The following SLC25A21 variants were observed in gnomAD, a reference collection of about 807,000 sequenced individuals.
SLC25A21 encodes mitochondrial 2-oxodicarboxylate carrier.
A neutral mutation model predicts 43.8 loss-of-function variants in SLC25A21; 47 were observed. That is an observed-to-expected ratio of 1.07 (90% CI 0.85 to 1.37). The LOEUF (loss-of-function observed/expected upper bound fraction) is 1.37. Ranked by LOEUF, SLC25A21 falls within the 40% of genes most tolerant of loss-of-function variation. The pLI, the probability that SLC25A21 is intolerant of heterozygous loss-of-function variation, is 0.00. For missense variants in SLC25A21, 352 were observed against 350.2 expected (o/e 1.00, Z -0.04); for synonymous variants, 131 against 121.3 (o/e 1.08, Z -0.52).
intron 1 of SLC25A21, among the ~76,000 whole-genome samples, chr14:37,088,254 A>G (rs1962522074): frequency 1.3e-5 from 2 of 152,200 alleles, no homozygotes; most frequent in African/African-American, 4.8e-5. Context: ...AAGCTCTAAA[A>G]ATATCCTGTA....
intron 1 of SLC25A21, among the ~76,000 whole-genome samples, chr14:36,933,057 T>C (rs1200921079): frequency 5.9e-5 from 9 of 152,260 alleles, no homozygotes; most frequent in Non-Finnish European, 1.3e-4. Flanking sequence ...GTTATTTTAA[T>C]GGAAGGTTAA....
At chr14:37,167,360 T>C (rs1314171081) in intron 1 of SLC25A21, among the ~76,000 whole-genome samples, 2 of 152,186 alleles carry the variant, frequency 1.3e-5, no homozygotes, top group African/African-American at 4.8e-5. Flanking sequence ...GATTCCGATA[T>C]GGTAGTGAAA....
At chr14:36,717,470 C>T (rs1004264316) in intron 6 of SLC25A21, among the ~76,000 whole-genome samples, 6 of 152,194 alleles carry the variant, frequency 3.9e-5, no homozygotes, top group African/African-American at 1.2e-4. Context: ...TCCCAGATAC[C>T]GAACCACAAA....
intron 1 of SLC25A21, among the ~76,000 whole-genome samples, chr14:37,125,236 T>C (rs1267726523): frequency 6.6e-6 from 1 of 152,178 alleles, no homozygotes; most frequent in African/African-American, 2.4e-5. Flanking sequence ...TAAGGACTCT[T>C]CTGATAAAAG....
intron 1 of SLC25A21, among the ~76,000 whole-genome samples, chr14:36,889,249 A>G (rs1891011653): frequency 6.6e-6 from 1 of 152,204 alleles, no homozygotes; most frequent in African/African-American, 2.4e-5. Flanking sequence ...TAATCACACA[A>G]GATTTCTACT....
At chr14:37,127,680 G>C (rs555281759) in intron 1 of SLC25A21, among the ~76,000 whole-genome samples, 1 of 152,276 alleles carries the variant, frequency 6.6e-6, no homozygotes, top group East Asian at 1.9e-4. Context: ...AGAGCACAAA[G>C]ACCAGGTCTC....
intron 1 of SLC25A21, among the ~76,000 whole-genome samples, chr14:36,937,299 TC>T (rs959199919): frequency 1.8e-4 from 28 of 152,288 alleles, no homozygotes; most frequent in African/African-American, 6.5e-4. Flanking sequence ...GAACAAGTAC[TC>T]CCTAGCTGAG....
At chr14:36,884,890 T>C (rs1266346668) in intron 1 of SLC25A21, among the ~76,000 whole-genome samples, 2 of 152,126 alleles carry the variant, frequency 1.3e-5, no homozygotes, top group African/African-American at 4.8e-5. Flanking sequence ...CAGATGTGGT[T>C]TGCAAGTATT....
At chr14:37,083,086 T>C (rs1478021965) in intron 1 of SLC25A21, among the ~76,000 whole-genome samples, 1 of 152,210 alleles carries the variant, frequency 6.6e-6, no homozygotes, top group East Asian at 1.9e-4. Flanking sequence ...AATCAAATTG[T>C]TCACAGCTGA....
intron 1 of SLC25A21, among the ~76,000 whole-genome samples, chr14:36,899,205 C>T (rs1891334065): frequency 6.6e-6 from 1 of 151,678 alleles, no homozygotes; most frequent in Admixed American, 6.6e-5. Context: ...TCCACGCAAA[C>T]ATAGCAAGAC....
At chr14:37,020,414 C>CAA (rs200047962) in intron 1 of SLC25A21, among the ~76,000 whole-genome samples, 1 of 140,474 alleles carries the variant, frequency 7.1e-6, no homozygotes, top group African/African-American at 2.7e-5. Context: ...CTAATCATCT[C>CAA]AAAAAAAAAC....
intron 1 of SLC25A21, among the ~76,000 whole-genome samples, chr14:36,922,999 CA>C (rs370204947): frequency 1.4e-3 from 207 of 152,068 alleles, no homozygotes; most frequent in African/African-American, 4.8e-3. Flanking sequence ...ATCAGTCCCA[CA>C]AAAACAGACC....
intron 3 of SLC25A21, among the ~76,000 whole-genome samples, chr14:36,793,442 A>G (rs890116712): frequency 1.3e-5 from 2 of 151,972 alleles, no homozygotes; most frequent in African/African-American, 4.8e-5. Flanking sequence ...GGAGGAAGCT[A>G]ACATGCTATC....
At chr14:37,117,083 T>A (rs866903811) in intron 1 of SLC25A21, among the ~76,000 whole-genome samples, 3 of 152,154 alleles carry the variant, frequency 2.0e-5, no homozygotes, top group African/African-American at 7.2e-5. Flanking sequence ...AGCTGAAAAA[T>A]GTACTCTTTA....
At chr14:37,094,609 C>CAT (rs140518598) in intron 1 of SLC25A21, among the ~76,000 whole-genome samples, 193 of 151,184 alleles carry the variant, frequency 1.3e-3, no homozygotes, top group Middle Eastern at 3.4e-3. Flanking sequence ...TTCACATTCA[C>CAT]ATATATATAT....
rs769530350 is a variant in SLC25A21 at position 36,683,819 on chromosome 14, TATC to T, written c.838+6_838+8del. The T allele has an allele frequency of 1.3e-6, 2 of 1,589,370 alleles. No homozygotes were observed. The highest frequency in any genetic ancestry group is 8.6e-7 in the Non-Finnish European group (1 of 1,165,576). ...GAAGGAAGGATTAAATAATCAAAAT[TATC>T]ATTACCTGGTCCAAGTCTCATAATC... On this transcript the variant is annotated splice_donor_region_variant and intron_variant, in intron 9 of 9. Coordinates refer to ENST00000331299, the MANE Select transcript of SLC25A21 (RefSeq NM_030631.4).
chr14:36,945,526 T>C (rs1393632293), intron 1 of SLC25A21, among the ~76,000 whole-genome samples: 1 of 152,208 alleles, frequency 6.6e-6, no homozygotes, highest in African/African-American at 2.4e-5. Context: ...GAATATTATT[T>C]AGCCTTAAAA....
chr14:37,001,386 A>C (rs1172725844), intron 1 of SLC25A21, among the ~76,000 whole-genome samples: 2 of 152,128 alleles, frequency 1.3e-5, no homozygotes, highest in Non-Finnish European at 2.9e-5. Context: ...TGCCCAGAGA[A>C]GTTAAATAGT....
intron 2 of SLC25A21, among the ~76,000 whole-genome samples, chr14:36,852,376 A>G (rs1482452451): frequency 7.2e-5 from 11 of 152,190 alleles, no homozygotes; most frequent in African/African-American, 2.4e-4. Context: ...GGAACAGAAC[A>G]ATTAGACACA....
Sources: gnomAD v4.1 joint callset for allele counts (sites outside exome capture counted in the v4.1 genomes callset) on GRCh38, gnomAD v4.1.1 for gene constraint, MANE v1.5 for transcripts, NCBI Gene and HGNC (gene_info 2026-07-23, HGNC 2026-07-21) for gene names.